SUPT3H: variants seen among roughly 807,000 people sequenced by gnomAD.
The protein encoded by SUPT3H is transcription initiation protein SPT3 homolog.
In SUPT3H, 44 loss-of-function variants were observed where a neutral mutation model predicts 44.3. The observed-to-expected ratio is 0.99, with a 90% confidence interval of 0.78 to 1.28. The LOEUF is 1.28. Among genes scored for constraint, SUPT3H ranks in the 50% most tolerant of loss-of-function variants. SUPT3H has a pLI of 0.00. For synonymous variants in SUPT3H, 124 were observed against 125.6 expected, an observed-to-expected ratio of 0.99 and a Z score of 0.09; for missense variants, 380 against 387.1, an observed-to-expected ratio of 0.98 and a Z score of 0.15.
chr6:44,897,301 T>C (rs906479981), intron 10 of SUPT3H, among the ~76,000 whole-genome samples: 1 of 152,236 alleles, frequency 6.6e-6, no homozygotes, highest in Non-Finnish European at 1.5e-5. Context: ...TTAAAAATAA[T>C]GGCTGAATTG....
At chr6:45,243,197 C>CAAAA (rs61643038) in intron 2 of SUPT3H, among the ~76,000 whole-genome samples, 6,484 of 72,238 alleles carry the variant, frequency 0.09, 1,620 homozygotes, top group African/African-American at 0.25. Flanking sequence ...GACTCCTTCT[C>CAAAA]AAAAAAAAAA....
chr6:45,330,269 G>A (rs1424415580), intron 2 of SUPT3H, among the ~76,000 whole-genome samples: 1 of 151,862 alleles, frequency 6.6e-6, no homozygotes, highest in Non-Finnish European at 1.5e-5. Flanking sequence ...TATTAAGGAA[G>A]CAGGACATAA....
At chr6:44,956,484 T>TAAAAAAAAAAAAAAAA (rs1355247914) in intron 7 of SUPT3H, among the ~76,000 whole-genome samples, 1 of 2,700 alleles carries the variant, frequency 3.7e-4, no homozygotes, top group Non-Finnish European at 5.9e-4. Context: ...AAAAAAAAAA[T>TAAAAAAAAAAAAAAAA]AAAAAAAAAA....
At chr6:45,287,603 T>C (rs1356351899) in intron 2 of SUPT3H, among the ~76,000 whole-genome samples, 1 of 152,170 alleles carries the variant, frequency 6.6e-6, no homozygotes, top group East Asian at 1.9e-4. Context: ...TGCCAGGGAC[T>C]GGGAGGATGG....
chr6:45,246,102 C>T (rs1052368916), intron 2 of SUPT3H, among the ~76,000 whole-genome samples: 1 of 151,960 alleles, frequency 6.6e-6, no homozygotes, highest in Non-Finnish European at 1.5e-5. Context: ...CATTTTTGCC[C>T]ATTTTTTAAT....
chr6:45,269,102 A>G (rs1254591064), intron 2 of SUPT3H, among the ~76,000 whole-genome samples: 1 of 152,222 alleles, frequency 6.6e-6, no homozygotes, highest in Non-Finnish European at 1.5e-5. Context: ...GTGAAAAGAA[A>G]GAAATTTGAG....
chr6:45,147,551 T>C (rs1451610253), intron 2 of SUPT3H, among the ~76,000 whole-genome samples: 3 of 152,028 alleles, frequency 2.0e-5, no homozygotes, highest in South Asian at 2.1e-4. Context: ...AGGAGAGATA[T>C]ATATAAAGGA....
intron 2 of SUPT3H, among the ~76,000 whole-genome samples, chr6:45,154,362 A>T (rs547311540): frequency 6.6e-6 from 1 of 152,304 alleles, no homozygotes; most frequent in East Asian, 1.9e-4. Context: ...AAAACTTCCA[A>T]GAATGGCATC....
intron 2 of SUPT3H, among the ~76,000 whole-genome samples, chr6:45,296,146 T>C (rs74988165): frequency 0.041 from 6,196 of 150,676 alleles, 176 homozygotes; most frequent in Non-Finnish European, 0.064. Flanking sequence ...CATATACATA[T>C]ACATACACAC....
chr6:45,226,180 A>G (rs888754918), intron 2 of SUPT3H, among the ~76,000 whole-genome samples: 9 of 152,138 alleles, frequency 5.9e-5, no homozygotes, highest in African/African-American at 1.7e-4. Context: ...GGAAATGGTG[A>G]TATTTTTCAG....
At chr6:45,005,771 G>C (rs1234328956) in intron 5 of SUPT3H, among the ~76,000 whole-genome samples, 1 of 149,890 alleles carries the variant, frequency 6.7e-6, no homozygotes, top group Non-Finnish European at 1.5e-5. Flanking sequence ...ACTTTTGTTT[G>C]AGATGACTTC....
intron 2 of SUPT3H, among the ~76,000 whole-genome samples, chr6:45,289,249 C>G (rs954172313): frequency 1.7e-4 from 26 of 151,248 alleles, no homozygotes; most frequent in Non-Finnish European, 3.4e-4. Flanking sequence ...TTTTTATATC[C>G]CTACCATAAA....
intron 2 of SUPT3H, among the ~76,000 whole-genome samples, chr6:45,301,638 G>A (rs1306459768): frequency 6.6e-6 from 1 of 152,046 alleles, no homozygotes; most frequent in Admixed American, 6.6e-5. Flanking sequence ...GCTATGATTT[G>A]TATTATTTCA....
chr6:45,344,946 T>C (rs1243206296), intron 2 of SUPT3H, among the ~76,000 whole-genome samples: 1 of 152,140 alleles, frequency 6.6e-6, no homozygotes, highest in Non-Finnish European at 1.5e-5. Context: ...TGGACTATGC[T>C]CTGAAGCCAA....
intron 3 of SUPT3H, among the ~76,000 whole-genome samples, chr6:45,079,458 GGAA>G (rs1184656526): frequency 1.3e-5 from 2 of 148,384 alleles, no homozygotes; most frequent in South Asian, 4.3e-4. Context: ...GGGAAGAGGA[GGAA>G]GAAGAAGGGG....
intron 6 of SUPT3H, among the ~76,000 whole-genome samples, chr6:44,994,884 C>T (rs1007984700): frequency 3.3e-5 from 5 of 151,506 alleles, no homozygotes; most frequent in African/African-American, 1.2e-4. Flanking sequence ...GCTTTGTTAT[C>T]TGAAACAAAA....
At chr6:45,294,544 C>T (rs1362056385) in intron 2 of SUPT3H, among the ~76,000 whole-genome samples, 3 of 151,924 alleles carry the variant, frequency 2.0e-5, no homozygotes, top group Admixed American at 6.6e-5. Flanking sequence ...CAAACTGTTG[C>T]TGTTTGCTGA....
rs199846819 is a variant in SUPT3H at position 45,375,854 on chromosome 6, CAAGTA to C, written c.-1+1909_-1+1913del. Reference sequence around the variant, plus strand: ...AAAAAAAAAACAGATGCACATATTTCAAGTAAAGTAATTTTGTGAAACATCTATTA... The same window carrying C: ...AAAAAAAAAACAGATGCACATATTTCAAGTAATTTTGTGAAACATCTATTA... On this transcript the variant is annotated intron_variant, in intron 1 of 10. Coordinates refer to ENST00000371459, the MANE Select transcript of SUPT3H (RefSeq NM_003599.4). Among the ~76,000 whole-genome samples the C allele has an allele frequency of 3.9e-3, 584 of 151,594 alleles. 8 individuals are homozygous for C. Among genetic ancestry groups the C allele is most frequent in the Admixed American group, 0.033 (500 of 15,232 alleles).
rs374721733 is a variant in SUPT3H at position 44,886,944 on chromosome 6, C to T, written c.912+45709G>A. Among the ~76,000 whole-genome samples the T allele has an allele frequency of 1.8e-4, 28 of 151,584 alleles. 1 individual carries two copies. Among genetic ancestry groups the T allele is most frequent in the East Asian group, 1.6e-3 (8 of 5,150 alleles). The stretch of plus-strand genomic sequence containing the variant: ...GAAGATCTACCAAGCTAATGGAAAA[C>T]AAAAAAAGGCAGGGGTTGCAATCCT... On this transcript the variant is annotated intron_variant, in intron 10 of 10. Transcript: ENST00000371459.
Sources: gnomAD v4.1 joint callset for allele counts (sites outside exome capture counted in the v4.1 genomes callset) on GRCh38, gnomAD v4.1.1 for gene constraint, MANE v1.5 for transcripts, NCBI Gene and HGNC (gene_info 2026-07-23, HGNC 2026-07-21) for gene names.